GRM8: variants seen among roughly 807,000 people sequenced by gnomAD.
GRM8 encodes the protein metabotropic glutamate receptor 8.
GRM8 carries 47 observed loss-of-function variants against 87.2 expected under a neutral mutation model. That is an observed-to-expected ratio of 0.54 (90% CI 0.43 to 0.69). GRM8 has a LOEUF of 0.69. GRM8 is among the 30% of genes least tolerant of loss of function. GRM8 has a pLI of 0.00. For synonymous variants in GRM8, 396 were observed against 404.5 expected (o/e 0.98, Z 0.25); for missense variants, 1,019 against 1,139.2 (o/e 0.89, Z 1.52).
In GRM8 at chr7:127,171,043, C is replaced by G. The variant is rs552493289; in HGVS notation, c.511-64331G>C. Reference sequence around the variant, plus strand: ...TTCGTGACTCAGGAGATCAAAATATCAACATTAACAGGAGTTTGGAAGAAG... The same window carrying G: ...TTCGTGACTCAGGAGATCAAAATATGAACATTAACAGGAGTTTGGAAGAAG... On this transcript the variant is annotated intron_variant, in intron 2 of 10. Transcript: ENST00000339582. 2.6e-5 allele frequency among the ~76,000 whole-genome samples: 4 copies of G among 152,096 alleles called. No homozygotes were observed. In the East Asian group the frequency reaches 7.8e-4, roughly 29 times the overall value.
chr7:126,937,139 TATTCTCCTAGGCCACAC>T (rs1341680959), intron 3 of GRM8, among the ~76,000 whole-genome samples: 1 of 152,148 alleles, frequency 6.6e-6, no homozygotes, highest in Non-Finnish European at 1.5e-5. Flanking sequence ...GAATCTCCTA[TATTCTCCTAGGCCACAC>T]AATGGCAGCC....
At chr7:126,815,574 T>G (rs1183375744) in intron 6 of GRM8, among the ~76,000 whole-genome samples, 1 of 152,120 alleles carries the variant, frequency 6.6e-6, no homozygotes, top group Non-Finnish European at 1.5e-5. Flanking sequence ...ATAGTAATAC[T>G]TCTTGCTGTA....
At chr7:127,249,333 C>A (rs1798739122) in intron 1 of GRM8, among the ~76,000 whole-genome samples, 1 of 152,146 alleles carries the variant, frequency 6.6e-6, no homozygotes, top group South Asian at 2.1e-4. Context: ...GATTCATTAG[C>A]AGGTATCAAA....
chr7:126,889,687 C>G (rs1317947446), intron 6 of GRM8, among the ~76,000 whole-genome samples: 1 of 152,062 alleles, frequency 6.6e-6, no homozygotes, highest in East Asian at 1.9e-4. Flanking sequence ...TAAATCAAAT[C>G]ACATTTTATA....
chr7:126,969,248 T>C (rs535808058), intron 3 of GRM8, among the ~76,000 whole-genome samples: 62 of 152,256 alleles, frequency 4.1e-4, no homozygotes, highest in South Asian at 2.1e-3. Context: ...AAAACAACAA[T>C]AAAACTTACT....
chr7:127,143,138 G>A (rs1371804013), intron 2 of GRM8, among the ~76,000 whole-genome samples: 3 of 152,050 alleles, frequency 2.0e-5, no homozygotes, highest in Non-Finnish European at 2.9e-5. Context: ...TCTTTGCTCT[G>A]TTTTGCATCT....
chr7:126,913,410 T>C (rs1399907482), intron 3 of GRM8, among the ~76,000 whole-genome samples: 1 of 152,188 alleles, frequency 6.6e-6, no homozygotes, highest in African/African-American at 2.4e-5. Context: ...GACTAGACTA[T>C]TGGTTAAAAA....
At chr7:126,656,241 C>CCTT (rs1380204521) in intron 7 of GRM8, among the ~76,000 whole-genome samples, 1 of 152,160 alleles carries the variant, frequency 6.6e-6, no homozygotes, top group Non-Finnish European at 1.5e-5. Flanking sequence ...CACATCCTTT[C>CCTT]CTTCTGGTAG....
chr7:126,608,944 T>C (rs1410090830), intron 8 of GRM8, among the ~76,000 whole-genome samples: 1 of 152,036 alleles, frequency 6.6e-6, no homozygotes, highest in Non-Finnish European at 1.5e-5. Context: ...TTTTTGTATT[T>C]TTAGTAGAGA....
rs1251601184 is a variant in GRM8, at chr7:127,021,342, A to AT, written c.727+85153dup. On this transcript the variant is annotated intron_variant, in intron 3 of 10. Coordinates refer to ENST00000339582, the MANE Select transcript of GRM8 (RefSeq NM_000845.3). ...AGCCAGAAAGGTACTGCAGAGGGAAATTTTTTTTAAAGAAATCAACTTCTC... is the reference window on the plus strand; with the variant it reads ...AGCCAGAAAGGTACTGCAGAGGGAAATTTTTTTTTAAAGAAATCAACTTCTC... Among the ~76,000 whole-genome samples the AT allele has an allele frequency of 4.0e-5, 6 of 151,474 alleles. 1 individual carries two copies. Among genetic ancestry groups the AT allele is most frequent in the East Asian group, 3.9e-4 (2 of 5,118 alleles).
intron 3 of GRM8, among the ~76,000 whole-genome samples, chr7:127,062,985 G>T (rs1377952728): frequency 6.6e-6 from 1 of 152,028 alleles, no homozygotes; most frequent in Admixed American, 6.6e-5. Flanking sequence ...GGGTGTGGTG[G>T]CTCACACCTG....
At chr7:126,839,303 T>C (rs568570650) in intron 6 of GRM8, among the ~76,000 whole-genome samples, 4 of 152,300 alleles carry the variant, frequency 2.6e-5, no homozygotes, top group East Asian at 1.9e-4. Context: ...TTGTCTGAAA[T>C]GCAGAATCTC....
At position 126,744,557 on chromosome 7, in the gene GRM8, T is replaced by C. The variant is rs373154698; in HGVS notation, c.1357+25308A>G. 1.4e-4 allele frequency among the ~76,000 whole-genome samples: 21 copies of C among 152,136 alleles called. No homozygotes were observed. In the East Asian group the frequency reaches 1.7e-3, roughly 13 times the overall value. On this transcript the variant is annotated intron_variant, in intron 7 of 10. Transcript: ENST00000339582. ...ATACATAACTCAGTGAACCAATATT[T>C]TGCAAATATTTCAAAGCTTCTATGA... is the stretch of plus-strand genomic sequence containing the variant.
At chr7:126,665,145 T>A (rs186455144) in intron 7 of GRM8, among the ~76,000 whole-genome samples, 1 of 152,086 alleles carries the variant, frequency 6.6e-6, no homozygotes, top group African/African-American at 2.4e-5. Flanking sequence ...GAAAATACAC[T>A]GTTGGTGGGA....
chr7:127,099,830 A>C (rs1293392835), intron 3 of GRM8, among the ~76,000 whole-genome samples: 1 of 152,172 alleles, frequency 6.6e-6, no homozygotes, highest in Non-Finnish European at 1.5e-5. Flanking sequence ...TCCTAAACCC[A>C]GTACCTCAGA....
At chr7:126,563,069 A>C (rs1047850139) in intron 8 of GRM8, among the ~76,000 whole-genome samples, 1 of 152,212 alleles carries the variant, frequency 6.6e-6, no homozygotes, top group Admixed American at 6.5e-5. Context: ...AAAGCTTAGA[A>C]GCCTGTTATA....
At chr7:126,891,735 G>A (rs1008296901) in intron 6 of GRM8, among the ~76,000 whole-genome samples, 4 of 151,822 alleles carry the variant, frequency 2.6e-5, no homozygotes, top group Admixed American at 6.6e-5. Flanking sequence ...CTGGCTATTC[G>A]CTTAACACAT....
At chr7:126,678,933 G>T (rs760212353) in intron 7 of GRM8, among the ~76,000 whole-genome samples, 2 of 152,318 alleles carry the variant, frequency 1.3e-5, no homozygotes, top group African/African-American at 4.8e-5. Flanking sequence ...TAAAACTCTT[G>T]TAAATCATTA....
chr7:126,507,196 C>T (rs1238717685), intron 9 of GRM8, among the ~76,000 whole-genome samples: 1 of 152,056 alleles, frequency 6.6e-6, no homozygotes, highest in Non-Finnish European at 1.5e-5. Context: ...TTACTTTCCG[C>T]AAGTAATTTT....
Sources: allele counts gnomAD v4.1 joint callset (sites outside exome capture counted in the v4.1 genomes callset), GRCh38; gene constraint gnomAD v4.1.1; transcripts MANE v1.5; gene names NCBI Gene and HGNC (gene_info 2026-07-23, HGNC 2026-07-21).